NSD2: variants seen among roughly 807,000 people sequenced by gnomAD.
NSD2 encodes the protein histone-lysine N-methyltransferase NSD2.
Under a neutral mutation model 139.0 loss-of-function variants are expected in NSD2, and 12 were observed. That is an observed-to-expected ratio of 0.09 (90% CI 0.06 to 0.14). The LOEUF (loss-of-function observed/expected upper bound fraction) is 0.14, where lower values mean the gene tolerates loss of function less well. Among genes scored for constraint, NSD2 ranks in the 10% least tolerant of loss-of-function variants. The pLI is 1.00. For missense variants in NSD2, 1,155 were observed against 1,745.0 expected, an observed-to-expected ratio of 0.66 and a Z score of 6.02; for synonymous variants, 669 against 648.7, an observed-to-expected ratio of 1.03 and a Z score of -0.48.
At chr4:1,949,083 C>T (rs952730747) in intron 9 of NSD2, among the ~76,000 whole-genome samples, 1 of 152,240 alleles carries the variant, frequency 6.6e-6, no homozygotes, top group Non-Finnish European at 1.5e-5. Context: ...GCCCTGTGCT[C>T]CCCTGGCTCC....
intron 1 of NSD2, among the ~76,000 whole-genome samples, chr4:1,879,278 G>T (rs1714527027): frequency 2.0e-5 from 3 of 152,036 alleles, no homozygotes. Context: ...GAGTGCAGTG[G>T]AGTGATCTCA....
chr4:1,940,756 C>G, intron 9 of NSD2: 3 of 1,060,492 alleles, frequency 2.8e-6, no homozygotes, highest in Non-Finnish European at 3.4e-6. Flanking sequence ...GGCCAGGTCT[C>G]TGCCATGGTC....
At chr4:1,950,472 A>G (rs1560741679) in intron 9 of NSD2, among the ~76,000 whole-genome samples, 1 of 152,326 alleles carries the variant, frequency 6.6e-6, no homozygotes, top group South Asian at 2.1e-4. Flanking sequence ...CAAATAGGCA[A>G]TGGGAGGAAG....
At chr4:1,902,441 C>G (rs1208845850) in intron 2 of NSD2, among the ~76,000 whole-genome samples, 1 of 152,048 alleles carries the variant, frequency 6.6e-6, no homozygotes, top group Admixed American at 6.6e-5. Flanking sequence ...CCAGGCTGGT[C>G]TCAAACCCCT....
Position 1,933,556 on chromosome 4 carries a change from A to ATT in NSD2, c.1556-1578_1556-1577dup, listed in dbSNP as rs1000272855. ...AGGCGCCCGCCACCATGACCAGCTA[A>ATT]TTTTTTTTTTTGTATTTTTAGTAGA... On this transcript the variant is annotated intron_variant, in intron 6 of 21. Transcript: ENST00000508803. 7.3e-4 allele frequency among the ~76,000 whole-genome samples: 108 copies of ATT among 147,082 alleles called. 1 individual carries two copies. The highest frequency in any genetic ancestry group is 2.6e-3 in the African/African-American group (103 of 40,342).
intron 11 of NSD2, chr4:1,953,032 T>C: frequency 6.9e-7 from 1 of 1,443,666 alleles, no homozygotes; most frequent in Non-Finnish European, 9.0e-7. Flanking sequence ...AGGAGCCCCT[T>C]CTTTCAAGCT....
At chr4:1,952,923 G>A in intron 11 of NSD2, 1 of 1,411,634 alleles carries the variant, frequency 7.1e-7, no homozygotes, top group Non-Finnish European at 9.2e-7. Flanking sequence ...CCCCACAGCA[G>A]CACCTCACTT....
At chr4:1,943,555 G>A in intron 9 of NSD2, 1 of 1,050,754 alleles carries the variant, frequency 9.5e-7, no homozygotes, top group Non-Finnish European at 1.1e-6. Context: ...CACTGGATTT[G>A]TGTGTGTGGC....
intron 3 of NSD2, among the ~76,000 whole-genome samples, chr4:1,914,748 G>C (rs1211141188): frequency 1.3e-5 from 2 of 152,180 alleles, no homozygotes; most frequent in Non-Finnish European, 2.9e-5. Flanking sequence ...CTAGCATCCA[G>C]AGTTTTTGGC....
intron 7 of NSD2, among the ~76,000 whole-genome samples, chr4:1,937,984 T>A (rs1471759824): frequency 1.3e-5 from 2 of 152,260 alleles, no homozygotes; most frequent in Non-Finnish European, 2.9e-5. Context: ...CTAGTAATGT[T>A]GGTCCTGACT....
intron 1 of NSD2, among the ~76,000 whole-genome samples, chr4:1,877,008 G>T (rs971308792): frequency 6.6e-6 from 1 of 151,762 alleles, no homozygotes; most frequent in African/African-American, 2.4e-5. Context: ...GTGGTGGTGG[G>T]TGCCTGTAAT....
intron 3 of NSD2, among the ~76,000 whole-genome samples, chr4:1,913,465 C>T (rs927286346): frequency 6.6e-6 from 1 of 152,270 alleles, no homozygotes; most frequent in Non-Finnish European, 1.5e-5. Flanking sequence ...TCAGCGGTCA[C>T]GCTCCTGGTC....
At chr4:1,946,841 C>G in intron 9 of NSD2, 1 of 1,057,546 alleles carries the variant, frequency 9.5e-7, no homozygotes, top group Non-Finnish European at 1.1e-6. Context: ...AACAGCCCGA[C>G]AGGCCTCATC....
intron 6 of NSD2, among the ~76,000 whole-genome samples, chr4:1,932,670 T>C (rs1178956828): frequency 6.6e-6 from 1 of 152,016 alleles, no homozygotes; most frequent in Non-Finnish European, 1.5e-5. Context: ...CGCTTGAACC[T>C]GGGAGGCGGA....
intron 5 of NSD2, among the ~76,000 whole-genome samples, chr4:1,920,926 T>G (rs1257462853): frequency 6.6e-6 from 1 of 152,084 alleles, no homozygotes; most frequent in African/African-American, 2.4e-5. Context: ...TAGTCTCAAC[T>G]ACTCAGGAGG....
chr4:1,932,116 C>CA (rs1721707536), intron 6 of NSD2, among the ~76,000 whole-genome samples: 1 of 151,602 alleles, frequency 6.6e-6, no homozygotes, highest in Non-Finnish European at 1.5e-5. Flanking sequence ...ACATCATTGT[C>CA]ACGCGCCCAT....
At chr4:1,888,140 C>T (rs1046145565) in intron 1 of NSD2, among the ~76,000 whole-genome samples, 4 of 151,944 alleles carry the variant, frequency 2.6e-5, no homozygotes, top group South Asian at 2.1e-4. Flanking sequence ...TGGCTGGGTG[C>T]GGTGGCTCAC....
At chr4:1,890,807 A>C (rs1016693214) in intron 1 of NSD2, among the ~76,000 whole-genome samples, 1 of 151,774 alleles carries the variant, frequency 6.6e-6, no homozygotes, top group Non-Finnish European at 1.5e-5. Context: ...CATGTTGGCC[A>C]GGCTGGTCTC....
chr4:1,898,389 G>A (rs550710506), intron 1 of NSD2, among the ~76,000 whole-genome samples: 2 of 152,306 alleles, frequency 1.3e-5, no homozygotes, highest in East Asian at 3.9e-4. Flanking sequence ...TCGTGGCCAG[G>A]TGCGGTGGCT....
Sources: allele counts gnomAD v4.1 joint callset (sites outside exome capture counted in the v4.1 genomes callset), GRCh38; gene constraint gnomAD v4.1.1; transcripts MANE v1.5; gene names NCBI Gene and HGNC (gene_info 2026-07-23, HGNC 2026-07-21).